The following SMIM7 variants were observed in gnomAD, a reference collection of about 807,000 sequenced individuals.
SMIM7 encodes UPF0608 protein C19orf42.
SMIM7 carries 12 observed loss-of-function variants against 13.3 expected under a neutral mutation model. The ratio of observed to expected loss-of-function variants is 0.90; its 90% confidence interval spans 0.58 to 1.46. SMIM7 has a LOEUF of 1.46. Among genes scored for constraint, SMIM7 ranks in the 40% most tolerant of loss-of-function variants. The pLI is 0.00. For missense variants in SMIM7, 114 were observed against 94.8 expected (o/e 1.20, Z -0.84); for synonymous variants, 36 against 35.8 (o/e 1.01, Z -0.02).
chr19:16,642,435 A>G (rs902126877), downstream of SMIM7, among the ~76,000 whole-genome samples: 1 of 152,108 alleles, frequency 6.6e-6, no homozygotes, highest in Non-Finnish European at 1.5e-5. Context: ...CTGTAATCCC[A>G]GCTATTCAGG....
At chr19:16,654,287 A>AGCAC (rs112953034) in intron 3 of SMIM7, among the ~76,000 whole-genome samples, 162 bp from the exon 4 acceptor site, 12,502 of 152,062 alleles carry the variant, frequency 0.082, 761 homozygotes, top group African/African-American at 0.17. Context: ...CCCTACCCTC[A>AGCAC]TCAGGCTGTG....
rs372157802 is a variant in SMIM7 at position 16,659,961 on chromosome 19, C to G, written c.66G>C (p.Lys22Asn). 1.2e-6 allele frequency: 2 copies of G among 1,612,350 alleles called. No individual in the cohort carries two copies. The highest frequency in any genetic ancestry group is 1.7e-6 in the Non-Finnish European group (2 of 1,179,436). ...LMNAGAVLNF[K>N]LKKKDTQGFG... The stretch of plus-strand genomic sequence containing the variant: ...CAGTCCGGCCGCGACCTACTCACAG[C>G]TTAAAGTTCAGCACCGCCCCGGCAT... Residue 22 changes from lysine to asparagine, a missense_variant and splice_region_variant, in exon 2 of 5, where the codon AAG becomes AAC. By Grantham distance (94) the Lys-to-Asn change is moderately conservative (BLOSUM62 0). Coordinates refer to ENST00000487416, the MANE Select transcript of SMIM7 (RefSeq NM_024104.4).
chr19:16,638,373 G>A (rs1005877131), intron 4 of SMIM7, among the ~76,000 whole-genome samples: 1 of 144,398 alleles, frequency 6.9e-6, no homozygotes, highest in Non-Finnish European at 1.5e-5. Flanking sequence ...GCACGATCTC[G>A]GCTCACTGCA....
intron 4 of SMIM7, among the ~76,000 whole-genome samples, chr19:16,651,138 TGA>T (rs2086519490): frequency 6.6e-6 from 1 of 152,202 alleles, no homozygotes; most frequent in South Asian, 2.1e-4. Flanking sequence ...ACTACCTCCC[TGA>T]GAGGGCCCTT....
intron 4 of SMIM7, chr19:16,653,047 T>C: frequency 1.4e-6 from 2 of 1,454,100 alleles, no homozygotes. Context: ...GAGCAGGATC[T>C]GGCAGTGTGC....
intron 3 of SMIM7, 144 bp from the exon 4 acceptor site, chr19:16,654,269 T>C: frequency 1.5e-6 from 1 of 660,612 alleles, no homozygotes; most frequent in Non-Finnish European, 2.7e-6. Flanking sequence ...TTTTGGTTTC[T>C]CCCTCTTCCC....
chr19:16,652,714 G>T, intron 4 of SMIM7: 2 of 1,437,230 alleles, frequency 1.4e-6, no homozygotes, highest in South Asian at 1.5e-5. Flanking sequence ...CAGCCACTGG[G>T]GTGGCACGCA....
chr19:16,651,761 A>C (rs2086529517), intron 4 of SMIM7, among the ~76,000 whole-genome samples: 1 of 149,050 alleles, frequency 6.7e-6, no homozygotes, highest in African/African-American at 2.5e-5. Context: ...GAATGAGAGA[A>C]GCATGCTGAC....
At chr19:16,655,680 C>CAAAAAAA (rs869256040) in intron 3 of SMIM7, among the ~76,000 whole-genome samples, 18 of 38,474 alleles carry the variant, frequency 4.7e-4, no homozygotes, top group African/African-American at 5.7e-4. Context: ...GACTCCATCT[C>CAAAAAAA]AAAAAAAAAA....
chr19:16,645,706 G>T (rs1311328736), downstream of SMIM7: 1 of 140,282 alleles, frequency 7.1e-6, no homozygotes, highest in Non-Finnish European at 1.5e-5. Flanking sequence ...GTCTCACCCA[G>T]GCTGAAGTGC....
chr19:16,644,414 A>G (rs180961205), downstream of SMIM7, among the ~76,000 whole-genome samples: 1 of 147,472 alleles, frequency 6.8e-6, no homozygotes. Flanking sequence ...TGAGCCTCTC[A>G]CTGCACTCAG....
At chr19:16,650,591 T>C (rs1221857670) in intron 4 of SMIM7, among the ~76,000 whole-genome samples, 2 of 151,972 alleles carry the variant, frequency 1.3e-5, no homozygotes, top group East Asian at 3.9e-4. Context: ...GTGCCTGTAG[T>C]CTCAGCTCCT....
Position 16,657,833 on chromosome 19 carries a change from C to T in SMIM7, c.121+1562G>A, listed in dbSNP as rs530297065. Reference sequence around the variant, plus strand: ...ATCGTTTGAGACCAAGAGTTGGACACCAGCCTGGTTAACACAGCGAGATAC... The same window carrying T: ...ATCGTTTGAGACCAAGAGTTGGACATCAGCCTGGTTAACACAGCGAGATAC... On this transcript the variant is annotated intron_variant, in intron 3 of 4. Coordinates refer to ENST00000487416, the MANE Select transcript of SMIM7 (RefSeq NM_024104.4). Among the ~76,000 whole-genome samples, 3 of 152,234 alleles carry T rather than the reference C, an allele frequency of 2.0e-5. No homozygotes were observed. In the South Asian group the frequency reaches 6.2e-4, roughly 32 times the overall value.
chr19:16,652,769 A>G (rs981781930), intron 4 of SMIM7: 42 of 1,502,824 alleles, frequency 2.8e-5, no homozygotes, highest in Non-Finnish European at 3.3e-5. Context: ...CACTCAGGAC[A>G]GACAACTTTT....
chr19:16,649,100 G>T (rs940218613), intron 4 of SMIM7, among the ~76,000 whole-genome samples: 1 of 152,134 alleles, frequency 6.6e-6, no homozygotes, highest in Non-Finnish European at 1.5e-5. Context: ...GCAAGGATAC[G>T]GAGAAAGTGT....
intron 4 of SMIM7, among the ~76,000 whole-genome samples, chr19:16,650,059 T>C (rs1457058433): frequency 6.6e-6 from 1 of 152,200 alleles, no homozygotes; most frequent in Non-Finnish European, 1.5e-5. Context: ...AGCGGCTGCA[T>C]AATCCTGTGA....
At chr19:16,653,970 G>T (rs1217043418) in intron 4 of SMIM7, 65 bp downstream of exon 4, 2 of 1,262,554 alleles carry the variant, frequency 1.6e-6, no homozygotes, top group Admixed American at 3.7e-5. Context: ...ATGACCATCA[G>T]GTGGGTCACC....
chr19:16,643,253 C>A (rs879935521), downstream of SMIM7, among the ~76,000 whole-genome samples: 2 of 152,144 alleles, frequency 1.3e-5, no homozygotes, highest in Non-Finnish European at 2.9e-5. Flanking sequence ...AAGCACCACA[C>A]CTAGATGATT....
intron 4 of SMIM7, chr19:16,652,350 C>T (rs572195759): frequency 1.1e-4 from 18 of 166,982 alleles, no homozygotes; most frequent in African/African-American, 2.6e-4. Flanking sequence ...TATAGGCAGG[C>T]GCCACTACAC....
Sources: allele counts gnomAD v4.1 joint callset (sites outside exome capture counted in the v4.1 genomes callset), GRCh38; gene constraint gnomAD v4.1.1; transcripts MANE v1.5; gene names NCBI Gene and HGNC (gene_info 2026-07-23, HGNC 2026-07-21).